The following PAN3 variants were observed in gnomAD, a reference collection of about 807,000 sequenced individuals.
PAN3 encodes the protein poly(A) specific ribonuclease subunit PAN3, also known as PAN2-PAN3 deadenylation complex subunit PAN3.
PAN3 carries 19 observed loss-of-function variants against 96.2 expected under a neutral mutation model. That is an observed-to-expected ratio of 0.20 (90% CI 0.14 to 0.29). PAN3 has a LOEUF of 0.29. Ranked by LOEUF, PAN3 falls within the 10% of genes least tolerant of loss-of-function variation. PAN3 has a pLI of 1.00. For synonymous variants in PAN3, 433 were observed against 406.6 expected (o/e 1.06, Z -0.78); for missense variants, 882 against 1,108.1 (o/e 0.80, Z 2.90).
chr13:28,281,202 G>C, intron 16 of PAN3, 113 bp from the exon 17 acceptor site: 1 of 743,328 alleles, frequency 1.3e-6, no homozygotes, highest in East Asian at 2.7e-5. Context: ...GGGATGTTAG[G>C]ATTTATTGTT....
At chr13:28,279,145 G>A (rs1030462272) in intron 15 of PAN3, among the ~76,000 whole-genome samples, 2 of 151,894 alleles carry the variant, frequency 1.3e-5, no homozygotes, top group African/African-American at 2.4e-5. Context: ...TAGAATAAGC[G>A]GCAGTAGATG....
At chr13:28,241,932 A>G (rs1883702291) in intron 6 of PAN3, among the ~76,000 whole-genome samples, 1 of 152,212 alleles carries the variant, frequency 6.6e-6, no homozygotes, top group African/African-American at 2.4e-5. Flanking sequence ...TTAATTTCTA[A>G]TCTAAATCAT....
chr13:28,185,861 A>G (rs551512717), intron 4 of PAN3, among the ~76,000 whole-genome samples: 54 of 152,166 alleles, frequency 3.5e-4, no homozygotes, highest in African/African-American at 1.3e-3. Context: ...GCTTCTTTAC[A>G]CTCTGGTCAT....
At chr13:28,165,300 T>G (rs976631598) in intron 1 of PAN3, among the ~76,000 whole-genome samples, 1 of 150,240 alleles carries the variant, frequency 6.7e-6, no homozygotes, top group Non-Finnish European at 1.5e-5. Context: ...TTTTTTTTTT[T>G]GTAGAGATGG....
chr13:28,270,967 C>A, intron 13 of PAN3, 101 bp downstream of exon 13: 1 of 1,186,294 alleles, frequency 8.4e-7, no homozygotes, highest in Non-Finnish European at 1.2e-6. Context: ...TTCATATATT[C>A]CATCCAGAAG....
rs571284724 is a variant in PAN3, at chr13:28,207,392, A to G, written c.852+10046A>G. 9.9e-5 allele frequency among the ~76,000 whole-genome samples: 15 copies of G among 152,204 alleles called. No individual in the cohort carries two copies. The South Asian group carries it at 2.5e-3, about 25-fold the overall frequency. On this transcript the variant is annotated intron_variant, in intron 5 of 18. Coordinates refer to ENST00000380958, the MANE Select transcript of PAN3 (RefSeq NM_175854.8). The stretch of plus-strand genomic sequence containing the variant: ...TTCCTGCTTCTAGTCTTCTTTTTCA[A>G]ACAACTACCTGATTGTCTGATCTTG...
intron 3 of PAN3, 78 bp from the exon 4 acceptor site, chr13:28,177,787 A>G (rs1053456879): frequency 2.2e-5 from 24 of 1,107,272 alleles, no homozygotes; most frequent in Non-Finnish European, 3.3e-5. Context: ...TTTTATAGGC[A>G]TTGTCAAATT....
At chr13:28,181,289 A>C (rs1261034922) in intron 4 of PAN3, among the ~76,000 whole-genome samples, 1 of 152,038 alleles carries the variant, frequency 6.6e-6, no homozygotes, top group Non-Finnish European at 1.5e-5. Context: ...CTCGAGAATC[A>C]CTTGAGGTCA....
intron 1 of PAN3, among the ~76,000 whole-genome samples, chr13:28,162,256 C>T (rs1005057842): frequency 6.6e-6 from 1 of 152,158 alleles, no homozygotes; most frequent in Non-Finnish European, 1.5e-5. Context: ...AAAGTCTATG[C>T]TCATTCCACA....
chr13:28,247,177 G>A (rs1884273767), intron 6 of PAN3, among the ~76,000 whole-genome samples: 1 of 149,464 alleles, frequency 6.7e-6, no homozygotes, highest in Admixed American at 6.6e-5. Flanking sequence ...TAATAATGCT[G>A]GACTTTTTTC....
intron 4 of PAN3, 101 bp downstream of exon 4, chr13:28,178,036 C>T: frequency 2.0e-6 from 2 of 997,358 alleles, no homozygotes; most frequent in Non-Finnish European, 1.5e-6. Context: ...GGAGGGAGAG[C>T]TTTTTATGGG....
At chr13:28,149,931 T>C (rs1462320979) in intron 1 of PAN3, among the ~76,000 whole-genome samples, 2 of 152,228 alleles carry the variant, frequency 1.3e-5, no homozygotes. Flanking sequence ...CTACATTCTT[T>C]ATATAGATAT....
intron 6 of PAN3, among the ~76,000 whole-genome samples, chr13:28,247,197 G>C (rs938483432): frequency 1.3e-5 from 2 of 151,704 alleles, no homozygotes; most frequent in Admixed American, 6.6e-5. Flanking sequence ...CATATAACTT[G>C]GTCATTTGTA....
intron 6 of PAN3, among the ~76,000 whole-genome samples, chr13:28,224,353 C>A (rs1044267075): frequency 6.6e-6 from 1 of 152,116 alleles, no homozygotes; most frequent in Non-Finnish European, 1.5e-5. Flanking sequence ...GCAGCAGGAG[C>A]AGCACACATT....
At chr13:28,224,657 C>T (rs1204355161) in intron 6 of PAN3, among the ~76,000 whole-genome samples, 4 of 152,024 alleles carry the variant, frequency 2.6e-5, no homozygotes, top group African/African-American at 9.7e-5. Flanking sequence ...CTCACTCTGT[C>T]GTCCATCCTG....
chr13:28,179,285 A>G (rs1034787495), intron 4 of PAN3, among the ~76,000 whole-genome samples: 7 of 152,280 alleles, frequency 4.6e-5, no homozygotes, highest in African/African-American at 7.2e-5. Context: ...AAGCCTAACA[A>G]TGTGGAAGCA....
chr13:28,207,350 G>T (rs1336025184), intron 5 of PAN3, among the ~76,000 whole-genome samples: 1 of 152,116 alleles, frequency 6.6e-6, no homozygotes, highest in Non-Finnish European at 1.5e-5. Flanking sequence ...TTATTATATT[G>T]TGGTGTCTTA....
intron 5 of PAN3, among the ~76,000 whole-genome samples, chr13:28,207,909 GTCTT>G (rs1447554118): frequency 6.6e-6 from 1 of 152,156 alleles, no homozygotes; most frequent in African/African-American, 2.4e-5. Flanking sequence ...TATGTTTTAT[GTCTT>G]TCTTCCTCAC....
At chr13:28,146,963 C>T (rs1482584726) in intron 1 of PAN3, among the ~76,000 whole-genome samples, 1 of 147,876 alleles carries the variant, frequency 6.8e-6, no homozygotes, top group Admixed American at 6.8e-5. Context: ...AGCCTGGTGA[C>T]AAAGCAAGAC....
Sources: allele counts gnomAD v4.1 joint callset (sites outside exome capture counted in the v4.1 genomes callset), GRCh38; gene constraint gnomAD v4.1.1; transcripts MANE v1.5; gene names NCBI Gene and HGNC (gene_info 2026-07-23, HGNC 2026-07-21).